Variants in RBBP8 observed in about 807,000 individuals in gnomAD.
RBBP8 encodes RB binding protein 8, endonuclease.
RBBP8 carries 88 observed loss-of-function variants against 108.3 expected under a neutral mutation model. The observed-to-expected ratio is 0.81, with a 90% CI of 0.68 to 0.97. RBBP8 has a LOEUF of 0.97. RBBP8 is among the 50% of genes least tolerant of loss of function. The pLI is 0.00. For synonymous variants in RBBP8, 332 were observed against 348.2 expected, an observed-to-expected ratio of 0.95 and a Z score of 0.52; for missense variants, 1,023 against 1,049.0, an observed-to-expected ratio of 0.98 and a Z score of 0.34.
chr18:22,979,079 C>A (rs558986586), intron 6 of RBBP8, among the ~76,000 whole-genome samples: 1 of 152,080 alleles, frequency 6.6e-6, no homozygotes, highest in South Asian at 2.1e-4. Context: ...ACAGCCTGGG[C>A]AACATGGTAA....
chr18:22,974,295 G>T (rs896394332), intron 5 of RBBP8, among the ~76,000 whole-genome samples: 1 of 152,054 alleles, frequency 6.6e-6, no homozygotes, highest in African/African-American at 2.4e-5. Flanking sequence ...AATACAGATA[G>T]GAAAATTTGG....
intron 17 of RBBP8, among the ~76,000 whole-genome samples, chr18:23,019,310 T>C (rs1374472599): frequency 6.6e-6 from 1 of 152,234 alleles, no homozygotes; most frequent in Non-Finnish European, 1.5e-5. Context: ...TGCTTTCTGT[T>C]ATCCAATCTC....
chr18:23,025,496 C>CACCA (rs2046437753), intron 18 of RBBP8, among the ~76,000 whole-genome samples: 1 of 152,204 alleles, frequency 6.6e-6, no homozygotes, highest in Non-Finnish European at 1.5e-5. Context: ...ACTGCCTGGT[C>CACCA]ACCAGATAGA....
chr18:22,994,320 G>A (rs2045812702), intron 12 of RBBP8, among the ~76,000 whole-genome samples: 1 of 148,464 alleles, frequency 6.7e-6, no homozygotes, highest in Non-Finnish European at 1.5e-5. Flanking sequence ...ACTGCGCCCG[G>A]CCACTTATAT....
intron 2 of RBBP8, among the ~76,000 whole-genome samples, chr18:22,938,213 T>G (rs1026614638): frequency 6.6e-6 from 1 of 152,148 alleles, no homozygotes; most frequent in Non-Finnish European, 1.5e-5. Flanking sequence ...CTCACTATAG[T>G]GTCAAACTCT....
At position 22,993,030 on chromosome 18, in the gene RBBP8, A is replaced by T. The variant is rs753971455; in HGVS notation, c.1203A>T (p.Ser401=). The T allele has an allele frequency of 4.0e-5, 65 of 1,613,180 alleles. No homozygotes were observed. Among genetic ancestry groups the T allele is most frequent in the Non-Finnish European group, 5.5e-5 (65 of 1,179,332 alleles). ...AAGTGAACAAGATCATTATCCAGTC[A>T]TCTAATAAACAGATACTTATAAATA... The part of the protein sequence containing the change: ...GSEVNKIIIQ[S]SNKQILINKN... Residue 401 remains serine, a synonymous_variant, in exon 11 of 19, where the codon TCA becomes TCT. Transcript: ENST00000327155.
At chr18:22,934,910 A>G (rs1390551954) in intron 1 of RBBP8, 2 of 151,320 alleles carry the variant, frequency 1.3e-5, no homozygotes, top group Non-Finnish European at 2.9e-5. Context: ...GCTGTCTTAC[A>G]GAGTTTTTCT....
At chr18:22,925,418 C>T (rs1000730078) in intron 3 of RBBP8, among the ~76,000 whole-genome samples, 7 of 152,026 alleles carry the variant, frequency 4.6e-5, no homozygotes, top group African/African-American at 1.2e-4. Flanking sequence ...CTTCCTTAAA[C>T]TTAGATTAAC....
intron 3 of RBBP8, among the ~76,000 whole-genome samples, chr18:22,921,652 C>G (rs551475408): frequency 6.6e-6 from 1 of 152,302 alleles, no homozygotes; most frequent in African/African-American, 2.4e-5. Flanking sequence ...ATGAGTACAG[C>G]AATTTCAAAT....
chr18:22,952,609 A>C (rs1011511559), intron 4 of RBBP8, among the ~76,000 whole-genome samples: 8 of 152,176 alleles, frequency 5.3e-5, no homozygotes, highest in Non-Finnish European at 7.3e-5. Context: ...AATCTGTGTT[A>C]TATAACACAG....
In RBBP8 at chr18:22,975,213, A is replaced by C. The variant is rs749393476; in HGVS notation, c.422A>C (p.Lys141Thr). 1.2e-6 allele frequency: 2 copies of C among 1,612,602 alleles called. No individual in the cohort carries two copies. The highest frequency in any genetic ancestry group is 2.2e-5 in the South Asian group (2 of 90,942). Reference sequence around the variant, plus strand: ...AAGCTTTCTGAACAACTCCAGCAGAAAATTGAGTAAGTATTTTCCTCCAAC... The same window carrying C: ...AAGCTTTCTGAACAACTCCAGCAGACAATTGAGTAAGTATTTTCCTCCAAC... ...NKKLSEQLQQ[K>T]IENDQQHQAA... The change falls in exon 6 of 19, where the codon AAA becomes ACA. Residue 141 changes from lysine (K) to threonine (T), a missense_variant. Physicochemically the swap from Lys to Thr is moderately conservative, Grantham distance 78 (BLOSUM62 -1). Coordinates refer to ENST00000327155, the MANE Select transcript of RBBP8 (RefSeq NM_002894.3).
chr18:22,938,511 A>T (rs751566233), intron 2 of RBBP8, among the ~76,000 whole-genome samples: 8 of 152,050 alleles, frequency 5.3e-5, no homozygotes, highest in African/African-American at 1.9e-4. Flanking sequence ...GACATTTACA[A>T]TTGTAGTTTT....
At chr18:23,001,375 C>T (rs1287438356) in intron 14 of RBBP8, among the ~76,000 whole-genome samples, 1 of 152,160 alleles carries the variant, frequency 6.6e-6, no homozygotes, top group Admixed American at 6.6e-5. Flanking sequence ...TAGATAAACA[C>T]GTGTCATGGG....
chr18:22,932,980 AC>A (rs1694700924), upstream of RBBP8, among the ~76,000 whole-genome samples: 3 of 152,104 alleles, frequency 2.0e-5, no homozygotes, highest in Admixed American at 2.0e-4. Context: ...CCGCGTCCAT[AC>A]CCCCCATCAG....
At chr18:23,021,545 A>G (rs9961760) in intron 17 of RBBP8, among the ~76,000 whole-genome samples, 74,789 of 152,194 alleles carry the variant, frequency 0.49, 21,703 homozygotes, top group Middle Eastern at 0.67. Flanking sequence ...CATGAAGTTC[A>G]AGTTCTTTGT....
At chr18:23,022,581 G>T (rs1158924199) in intron 18 of RBBP8, among the ~76,000 whole-genome samples, 1 of 96,558 alleles carries the variant, frequency 1.0e-5, no homozygotes, top group Non-Finnish European at 2.0e-5. Flanking sequence ...CAGCCTGGGC[G>T]ACAGAACAAG....
rs1198682157 is a variant in RBBP8 at position 22,993,035 on chromosome 18, A to C, written c.1208A>C (p.Asn403Thr). The change falls in exon 11 of 19, where the codon AAT (asparagine) becomes ACT (threonine). Residue 403 changes from asparagine to threonine, a missense_variant. Coordinates refer to ENST00000327155, the MANE Select transcript of RBBP8 (RefSeq NM_002894.3). ...EVNKIIIQSSNKQILINKNIS... is the reference protein window; with the variant it reads ...EVNKIIIQSSTKQILINKNIS... ...AACAAGATCATTATCCAGTCATCTA[A>C]TAAACAGATACTTATAAATAAAAAT... 6.2e-7 allele frequency: 1 copy of C among 1,613,062 alleles called. No individual in the cohort carries two copies. Among genetic ancestry groups the C allele is most frequent in the South Asian group, 1.1e-5 (1 of 91,020 alleles).
Position 22,982,336 on chromosome 18 carries a change from C to A in RBBP8, c.547C>A (p.His183Asn). The A allele has an allele frequency of 6.2e-7, 1 of 1,614,156 alleles. No homozygotes were observed. Among genetic ancestry groups the A allele is most frequent in the African/African-American group, 1.3e-5 (1 of 75,054 alleles). ...VNRLRRKENP[H>N]VRYIEQTHTK... ...CCGGCTACGAAGAAAGGAGAACCCCCATGTCCGATACATAGAACAAACACA... is the reference window on the plus strand; with the variant it reads ...CCGGCTACGAAGAAAGGAGAACCCCAATGTCCGATACATAGAACAAACACA... The change falls in exon 7 of 19, where the codon CAT becomes AAT. Residue 183 changes from histidine to asparagine, a missense_variant. Coordinates refer to ENST00000327155, the MANE Select transcript of RBBP8 (RefSeq NM_002894.3).
At chr18:22,959,194 C>T (rs562714280) in intron 4 of RBBP8, among the ~76,000 whole-genome samples, 48 of 152,172 alleles carry the variant, frequency 3.2e-4, no homozygotes, top group African/African-American at 1.0e-3. Flanking sequence ...CTTGCATTCT[C>T]GAAAATATTT....
Sources: allele counts gnomAD v4.1 joint callset (sites outside exome capture counted in the v4.1 genomes callset), GRCh38; gene constraint gnomAD v4.1.1; transcripts MANE v1.5; gene names NCBI Gene and HGNC (gene_info 2026-07-23, HGNC 2026-07-21).